Variants in ZNF18 observed in about 807,000 individuals in gnomAD.
ZNF18 encodes heart development-specific gene 1 protein.
ZNF18 carries 42 observed loss-of-function variants against 58.1 expected under a neutral mutation model. The observed-to-expected ratio is 0.72, with a 90% CI of 0.56 to 0.93. ZNF18 has a LOEUF of 0.93. Ranked by LOEUF, ZNF18 falls within the 40% of genes least tolerant of loss-of-function variation. ZNF18 has a pLI of 0.00. For synonymous variants in ZNF18, 231 were observed against 239.8 expected (o/e 0.96, Z 0.34); for missense variants, 540 against 644.2 (o/e 0.84, Z 1.75).
At chr17:11,984,577 A>G (rs1221336372) in intron 4 of ZNF18, among the ~76,000 whole-genome samples, 1 of 151,566 alleles carries the variant, frequency 6.6e-6, no homozygotes, top group Non-Finnish European at 1.5e-5. Context: ...GCAGTGGAGC[A>G]ATCTCTGCTC....
Position 11,984,172 on chromosome 17 carries a change from G to A in ZNF18, c.692C>T (p.Thr231Ile). The part of the protein sequence containing the change: ...PQEQWRQLDS[T>I]QKEQYWDLML... ...GAGATCCCAGTATTGCTCCTTTTGA[G>A]TGGAATCCAGTTGTCTCCACTGTTC... is the stretch of plus-strand genomic sequence containing the variant. Residue 231 changes from threonine (T) to isoleucine (I), a missense_variant, in exon 5 of 7, where the codon ACT becomes ATT. Thr to Ile is a moderately conservative substitution (Grantham distance 89). Transcript: ENST00000580306. 1 of 1,610,194 alleles carries A rather than the reference G, an allele frequency of 6.2e-7. No individual in the cohort carries two copies. The highest frequency in any genetic ancestry group is 8.5e-7 in the Non-Finnish European group (1 of 1,178,730).
the ZNF18 span, among the ~76,000 whole-genome samples, chr17:12,017,793 CT>C: frequency 6.6e-6 from 1 of 151,770 alleles, no homozygotes. Flanking sequence ...AGGAGAATCA[CT>C]TGTGCCCAGG....
At chr17:11,998,017 A>C (rs1480899110), upstream of ZNF18, among the ~76,000 whole-genome samples, 1 of 151,650 alleles carries the variant, frequency 6.6e-6, no homozygotes, top group Non-Finnish European at 1.5e-5. Context: ...GGCTAGTCCA[A>C]TGTGGTGCCA....
rs770706569 is a variant in ZNF18 at position 11,990,561 on chromosome 17, G to A, written c.578-11C>T. The A allele has an allele frequency of 1.7e-5, 28 of 1,603,714 alleles. No individual in the cohort carries two copies. Among genetic ancestry groups the A allele is most frequent in the African/African-American group, 2.7e-5 (2 of 74,986 alleles). On this transcript the variant is annotated splice_polypyrimidine_tract_variant and intron_variant, in intron 3 of 6. Transcript: ENST00000580306. The stretch of plus-strand genomic sequence containing the variant: ...GGGAGGCAGCCAGGGCTGAAGTGAG[G>A]AGAGGAAGTTTTCAGAATCTGGATG...
chr17:12,016,934 C>T, the ZNF18 span, among the ~76,000 whole-genome samples: 5 of 152,046 alleles, frequency 3.3e-5, no homozygotes, highest in Admixed American at 1.3e-4. Context: ...CGGTGGCTCA[C>T]GTCTGTAATT....
At chr17:11,991,191 A>G in intron 2 of ZNF18, 28 bp from the exon 3 acceptor site, 3 of 1,582,254 alleles carry the variant, frequency 1.9e-6, no homozygotes, top group Non-Finnish European at 2.6e-6. Flanking sequence ...ATTAGTAATT[A>G]CTGAAGAATC....
In ZNF18 at chr17:11,992,611, C is replaced by G. The variant is rs566715139; in HGVS notation, c.219G>C (p.Glu73Asp). 1.4e-5 allele frequency: 22 copies of G among 1,614,084 alleles called. No homozygotes were observed. The highest frequency in any genetic ancestry group is 1.9e-5 in the Non-Finnish European group (22 of 1,180,042). Residue 73 changes from glutamate (E) to aspartate (D), a missense_variant, in exon 2 of 7, where the codon GAG becomes GAC. Glu to Asp is a conservative substitution (Grantham distance 45). Coordinates refer to ENST00000580306, the MANE Select transcript of ZNF18 (RefSeq NM_001303281.2). ...CTAGGATCTGCTCTTTGGTGTGAACCTCTGGCTGTAGCCACTGGAAACAGA... is the reference window on the plus strand; with the variant it reads ...CTAGGATCTGCTCTTTGGTGTGAACGTCTGGCTGTAGCCACTGGAAACAGA... ...RKLCFQWLQP[E>D]VHTKEQILEI... is the part of the protein sequence containing the mutation.
chr17:12,016,707 G>A, the ZNF18 span, among the ~76,000 whole-genome samples: 21 of 152,186 alleles, frequency 1.4e-4, no homozygotes, highest in African/African-American at 5.1e-4. Context: ...AGTTCTTGCA[G>A]AATAGAATCC....
At chr17:12,012,452 G>T in the ZNF18 span, among the ~76,000 whole-genome samples, 36 of 152,248 alleles carry the variant, frequency 2.4e-4, no homozygotes, top group South Asian at 7.5e-3. Flanking sequence ...GCAAACGTGA[G>T]AATATCTGTA....
rs777495225 is a variant in ZNF18 at position 11,992,823 on chromosome 17, C to T, written c.7G>A (p.Val3Ile). 3.0e-5 allele frequency: 48 copies of T among 1,611,046 alleles called. No homozygotes were observed. The highest frequency in any genetic ancestry group is 6.7e-5 in the Admixed American group (4 of 59,644). Residue 3 changes from valine (V) to isoleucine (I), a missense_variant, in exon 2 of 7, where the codon GTT (valine) becomes ATT (isoleucine). Physicochemically the swap from Val to Ile is conservative, Grantham distance 29. Coordinates refer to ENST00000580306, the MANE Select transcript of ZNF18 (RefSeq NM_001303281.2). MP[V>I]DLGQALGLLP... is the part of the protein sequence containing the mutation. ...AGGCCTAGGGCCTGCCCCAAGTCAA[C>T]GGGCATTGTCCAGCCTGGCAAGTCC... is the stretch of plus-strand genomic sequence containing the variant.
chr17:12,011,695 ATTTTTTT>A, the ZNF18 span, among the ~76,000 whole-genome samples: 17 of 87,606 alleles, frequency 1.9e-4, no homozygotes, highest in East Asian at 7.1e-4. Flanking sequence ...AATGTTCTTA[ATTTTTTT>A]TTTTTTTTTT....
At chr17:11,981,898 T>C (rs984345219) in intron 6 of ZNF18, among the ~76,000 whole-genome samples, 3 of 152,120 alleles carry the variant, frequency 2.0e-5, no homozygotes, top group African/African-American at 7.2e-5. Context: ...AATTCATACG[T>C]TGAAACCCTA....
chr17:11,983,654 T>G (rs1266472855), intron 5 of ZNF18, among the ~76,000 whole-genome samples: 5 of 152,142 alleles, frequency 3.3e-5, no homozygotes, highest in African/African-American at 1.2e-4. Context: ...GTAGACTACC[T>G]GGCAGGCTGG....
At chr17:11,997,645 A>C (rs1454059957), upstream of ZNF18, 2 of 152,226 alleles carry the variant, frequency 1.3e-5, no homozygotes, top group African/African-American at 2.4e-5. Context: ...TTCCCGAGCC[A>C]ACGCCATCCT....
the ZNF18 span, chr17:12,021,018 C>G: frequency 8.4e-7 from 1 of 1,194,324 alleles, no homozygotes; most frequent in Non-Finnish European, 1.0e-6. Flanking sequence ...AACGCGGCCG[C>G]GCCGAGATCC....
the ZNF18 span, among the ~76,000 whole-genome samples, chr17:12,007,812 A>T: frequency 4.6e-5 from 7 of 152,128 alleles, no homozygotes; most frequent in African/African-American, 1.7e-4. Context: ...GATCAATTTT[A>T]AAAAGCAAGC....
At chr17:12,004,114 C>T in the ZNF18 span, among the ~76,000 whole-genome samples, 1 of 152,080 alleles carries the variant, frequency 6.6e-6, no homozygotes, top group South Asian at 2.1e-4. Flanking sequence ...GCCTGTAATC[C>T]CAGCTACTCG....
In ZNF18 at chr17:11,982,688, G is replaced by GTGTGTGTGTGTC. The variant is rs1967447035; in HGVS notation, c.862+608_862+609insGACACACACACA. ...TGTGTGTGTGTGTGTGTGTGTGTGTGTGTGTGTGTGTAGGTTTCGCAATTA... is the reference window on the plus strand; with the variant it reads ...TGTGTGTGTGTGTGTGTGTGTGTGTGTGTGTGTGTGTCTGTGTGTGTGTAGGTTTCGCAATTA... On this transcript the variant is annotated intron_variant, in intron 6 of 6. Transcript: ENST00000580306. Among the ~76,000 whole-genome samples the GTGTGTGTGTGTC allele has an allele frequency of 2.0e-5, 3 of 148,670 alleles. No homozygotes were observed. The South Asian group carries it at 6.4e-4, about 32-fold the overall frequency.
intron 6 of ZNF18, among the ~76,000 whole-genome samples, chr17:11,982,945 A>G (rs1352872113): frequency 6.6e-6 from 1 of 152,156 alleles, no homozygotes; most frequent in East Asian, 1.9e-4. Flanking sequence ...AAGGGTAATA[A>G]TGGCTGCTAC....
Sources: gnomAD v4.1 joint callset for allele counts (sites outside exome capture counted in the v4.1 genomes callset) on GRCh38, gnomAD v4.1.1 for gene constraint, MANE v1.5 for transcripts, NCBI Gene and HGNC (gene_info 2026-07-23, HGNC 2026-07-21) for gene names.